The following CCDC178 variants were observed in gnomAD, a reference collection of about 807,000 sequenced individuals.
CCDC178 encodes the protein coiled-coil domain containing 178.
A neutral mutation model predicts 117.4 loss-of-function variants in CCDC178; 126 were observed. The ratio of observed to expected loss-of-function variants is 1.07; its 90% CI spans 0.93 to 1.24. The LOEUF is 1.24. CCDC178 is among the 50% of genes most tolerant of loss of function. CCDC178 has a pLI of 0.00. For missense variants in CCDC178, 1,030 were observed against 986.9 expected, an observed-to-expected ratio of 1.04 and a Z score of -0.59; for synonymous variants, 283 against 313.4, an observed-to-expected ratio of 0.90 and a Z score of 1.02.
At chr18:33,019,601 C>G (rs945818812) in intron 21 of CCDC178, among the ~76,000 whole-genome samples, 1 of 152,082 alleles carries the variant, frequency 6.6e-6, no homozygotes, top group African/African-American at 2.4e-5. Flanking sequence ...ATTTATTGAG[C>G]TCTTATACCA....
chr18:33,267,382 G>A, intron 12 of CCDC178, 85 bp from the exon 13 acceptor site: 1 of 755,224 alleles, frequency 1.3e-6, no homozygotes. Context: ...TCATGATAAA[G>A]TAGAATTTGT....
chr18:33,370,264 A>G (rs1013117374), intron 5 of CCDC178, 75 bp from the exon 6 acceptor site: 12 of 1,124,456 alleles, frequency 1.1e-5, no homozygotes, highest in Non-Finnish European at 1.3e-5. Flanking sequence ...ATAAGCAAAA[A>G]AATTCTGCTT....
At chr18:33,091,548 G>C (rs2057466655) in intron 21 of CCDC178, among the ~76,000 whole-genome samples, 1 of 151,650 alleles carries the variant, frequency 6.6e-6, no homozygotes, top group South Asian at 2.1e-4. Context: ...TGTTGGCCAG[G>C]CTGGTCTCAA....
chr18:33,181,275 C>T (rs768956138), intron 20 of CCDC178, among the ~76,000 whole-genome samples: 27 of 151,906 alleles, frequency 1.8e-4, no homozygotes, highest in Non-Finnish European at 3.4e-4. Flanking sequence ...AAGTGATTGC[C>T]ATTTGTCACT....
intron 2 of CCDC178, among the ~76,000 whole-genome samples, chr18:33,415,529 C>T (rs1482707942): frequency 6.8e-6 from 1 of 148,050 alleles, no homozygotes; most frequent in Non-Finnish European, 1.5e-5. Context: ...GGAAGGGGGA[C>T]ATCACACATC....
chr18:33,092,833 T>C lies in CCDC178; in HGVS notation c.2316A>G (p.Lys772=). The C allele has an allele frequency of 6.3e-7, 1 of 1,578,044 alleles. No individual in the cohort carries two copies. Among genetic ancestry groups the C allele is most frequent in the Non-Finnish European group, 8.7e-7 (1 of 1,155,292 alleles). ...ATATATTGAAATAATTGTCCTTTTC[T>C]TTTAAGAATGTAATCTGTAGCTGTT... ...EYQQLQITFL[K]EKDNYFNIYD... Residue 772 remains lysine (K), a synonymous_variant, in exon 21 of 23, where the codon AAA becomes AAG. Transcript: ENST00000383096.
In CCDC178 at chr18:33,238,656, C is replaced by T. The variant is rs190528341; in HGVS notation, c.1593+6589G>A. ...TAATGGGACAGCATAAATGAACATACATTTGTATTATGGGCATTCCAGAAG... is the reference window on the plus strand; with the variant it reads ...TAATGGGACAGCATAAATGAACATATATTTGTATTATGGGCATTCCAGAAG... On this transcript the variant is annotated intron_variant, in intron 15 of 22. Transcript: ENST00000383096. Among the ~76,000 whole-genome samples the T allele has an allele frequency of 4.6e-5, 7 of 152,160 alleles. No individual in the cohort carries two copies. The East Asian group carries it at 1.4e-3, about 29-fold the overall frequency.
intron 20 of CCDC178, among the ~76,000 whole-genome samples, chr18:33,156,082 C>CT (rs755685926): frequency 0.11 from 10,454 of 98,080 alleles, 860 homozygotes; most frequent in East Asian, 0.27. Context: ...CTAGAAAACA[C>CT]TTTTTTTTTT....
At chr18:33,204,246 T>C (rs1489239390) in intron 20 of CCDC178, among the ~76,000 whole-genome samples, 1 of 152,120 alleles carries the variant, frequency 6.6e-6, no homozygotes, top group Non-Finnish European at 1.5e-5. Flanking sequence ...TCATATTTAT[T>C]TGAGCAAAAT....
chr18:32,994,289 TA>T (rs779721721), intron 21 of CCDC178, among the ~76,000 whole-genome samples: 1 of 152,214 alleles, frequency 6.6e-6, no homozygotes, highest in South Asian at 2.1e-4. Flanking sequence ...TTCAGAAACA[TA>T]AGTGCATATT....
chr18:33,049,768 T>C (rs896032431), intron 21 of CCDC178, among the ~76,000 whole-genome samples: 1 of 152,094 alleles, frequency 6.6e-6, no homozygotes, highest in East Asian at 1.9e-4. Flanking sequence ...CAGAATTGTT[T>C]CCTAACAATA....
chr18:33,340,268 C>T (rs1023084411), intron 9 of CCDC178, among the ~76,000 whole-genome samples: 45 of 152,204 alleles, frequency 3.0e-4, no homozygotes, highest in African/African-American at 7.2e-4. Context: ...AGAGAGATGA[C>T]GTAGGATATC....
intron 20 of CCDC178, among the ~76,000 whole-genome samples, chr18:33,143,110 C>CA (rs2058227604): frequency 6.6e-6 from 1 of 152,066 alleles, no homozygotes; most frequent in South Asian, 2.1e-4. Context: ...TTGAAAGACT[C>CA]AGAGAGGGAT....
intron 21 of CCDC178, among the ~76,000 whole-genome samples, chr18:32,975,234 T>C (rs940267367): frequency 6.6e-6 from 1 of 152,030 alleles, no homozygotes; most frequent in African/African-American, 2.4e-5. Context: ...GGGAGAACAA[T>C]AACAAGGAAG....
chr18:33,066,151 G>A (rs199616), intron 21 of CCDC178, among the ~76,000 whole-genome samples: 14,031 of 151,998 alleles, frequency 0.092, 909 homozygotes, highest in African/African-American at 0.18. Context: ...ATGAGCCACC[G>A]CGCCTGGCCT....
chr18:33,396,028 TA>T (rs1227981865), intron 4 of CCDC178, among the ~76,000 whole-genome samples: 2 of 151,804 alleles, frequency 1.3e-5, no homozygotes, highest in South Asian at 2.1e-4. Context: ...GGCATAAACG[TA>T]AAAAAAATTA....
chr18:33,156,641 C>CAAAA (rs35712594), intron 20 of CCDC178, among the ~76,000 whole-genome samples: 8,517 of 98,712 alleles, frequency 0.086, 394 homozygotes, highest in African/African-American at 0.16. Context: ...TCCTCCCTCT[C>CAAAA]AAAAAAAAAA....
At chr18:33,044,587 C>G (rs973851287) in intron 21 of CCDC178, among the ~76,000 whole-genome samples, 1 of 151,758 alleles carries the variant, frequency 6.6e-6, no homozygotes, top group Non-Finnish European at 1.5e-5. Context: ...GGAATGTAAA[C>G]TAATACAACC....
intron 11 of CCDC178, among the ~76,000 whole-genome samples, chr18:33,311,574 G>A (rs1003265616): frequency 6.6e-6 from 1 of 152,220 alleles, no homozygotes; most frequent in African/African-American, 2.4e-5. Flanking sequence ...CCACACCAAT[G>A]TGTCTTCTTC....
Sources: gnomAD v4.1 joint callset for allele counts (sites outside exome capture counted in the v4.1 genomes callset) on GRCh38, gnomAD v4.1.1 for gene constraint, MANE v1.5 for transcripts, NCBI Gene and HGNC (gene_info 2026-07-23, HGNC 2026-07-21) for gene names.